Variants in GRIN3A observed in about 807,000 individuals in gnomAD.
GRIN3A encodes glutamate ionotropic receptor NMDA type subunit 3A.
Under a neutral mutation model 92.4 loss-of-function variants are expected in GRIN3A, and 47 were observed. The observed-to-expected ratio is 0.51, with a 90% confidence interval of 0.40 to 0.65. The LOEUF (loss-of-function observed/expected upper bound fraction) is 0.65. Among genes scored for constraint, GRIN3A ranks in the 30% least tolerant of loss-of-function variants. The pLI is 0.00. For missense variants in GRIN3A, 1,324 were observed against 1,393.1 expected, an observed-to-expected ratio of 0.95 and a Z score of 0.79; for synonymous variants, 527 against 540.6, an observed-to-expected ratio of 0.97 and a Z score of 0.35.
At chr9:101,614,743 C>G (rs979250110) in intron 5 of GRIN3A, among the ~76,000 whole-genome samples, 5 of 145,838 alleles carry the variant, frequency 3.4e-5, no homozygotes, top group Non-Finnish European at 6.1e-5. Context: ...GCTCAGCCCC[C>G]CAAGTAGCTG....
intron 2 of GRIN3A, among the ~76,000 whole-genome samples, chr9:101,679,128 CCAGT>C (rs1158686980): frequency 6.6e-6 from 1 of 152,148 alleles, no homozygotes; most frequent in Non-Finnish European, 1.5e-5. Context: ...GCAGTATTTA[CCAGT>C]CAAACATCTA....
chr9:101,696,895 T>C (rs1049832534), intron 1 of GRIN3A, among the ~76,000 whole-genome samples: 1 of 151,944 alleles, frequency 6.6e-6, no homozygotes, highest in South Asian at 2.1e-4. Flanking sequence ...ACATAAACTT[T>C]TTCTCTCAAT....
chr9:101,594,186 A>G (rs1828074548), intron 6 of GRIN3A: 1 of 496,676 alleles, frequency 2.0e-6, no homozygotes, highest in Admixed American at 3.8e-5. Context: ...TTTCCCCACT[A>G]TGCTCATTTG....
intron 6 of GRIN3A, among the ~76,000 whole-genome samples, chr9:101,590,269 C>T (rs745628109): frequency 2.2e-4 from 33 of 152,096 alleles, no homozygotes; most frequent in South Asian, 6.2e-4. Context: ...GGGGTAGGTA[C>T]GGTAGTTGAC....
chr9:101,629,696 T>C (rs1828687257), intron 3 of GRIN3A, among the ~76,000 whole-genome samples: 1 of 152,238 alleles, frequency 6.6e-6, no homozygotes, highest in Non-Finnish European at 1.5e-5. Context: ...TATTAAACAC[T>C]TATTATGCGC....
chr9:101,604,363 A>G (rs10119650), intron 6 of GRIN3A, among the ~76,000 whole-genome samples: 14,262 of 152,198 alleles, frequency 0.094, 804 homozygotes, highest in East Asian at 0.24. Flanking sequence ...CCCTTTCTTC[A>G]GGCCTAATTT....
intron 3 of GRIN3A, among the ~76,000 whole-genome samples, chr9:101,641,006 C>G (rs1330090992): frequency 2.0e-5 from 3 of 152,078 alleles, no homozygotes; most frequent in African/African-American, 7.2e-5. Flanking sequence ...TAAGTGAAAA[C>G]TGAAAGAGCA....
chr9:101,724,413 G>A (rs370219739), intron 1 of GRIN3A, among the ~76,000 whole-genome samples: 38 of 152,246 alleles, frequency 2.5e-4, no homozygotes, highest in African/African-American at 7.2e-4. Flanking sequence ...CTCCGAGTGC[G>A]GGGCCCGCCA....
chr9:101,725,312 G>A (rs763304144), intron 1 of GRIN3A, among the ~76,000 whole-genome samples: 5 of 152,124 alleles, frequency 3.3e-5, no homozygotes, highest in Non-Finnish European at 7.3e-5. Flanking sequence ...TGAGCAGAAT[G>A]GTCTGGTGGA....
chr9:101,619,692 G>A (rs191969735), intron 5 of GRIN3A, among the ~76,000 whole-genome samples: 4 of 152,208 alleles, frequency 2.6e-5, no homozygotes, highest in Non-Finnish European at 5.9e-5. Flanking sequence ...AATAATTATT[G>A]GAAAGCAAGT....
At position 101,703,267 on chromosome 9, in the gene GRIN3A, G is replaced by A. The variant is rs556824385; in HGVS notation, c.700-16067C>T. Among the ~76,000 whole-genome samples, 22 of 152,078 alleles carry A rather than the reference G, an allele frequency of 1.4e-4. No individual in the cohort carries two copies. In the South Asian group the frequency reaches 3.1e-3, roughly 22 times the overall value. ...TTCTCACCTCACTTATTCCACCCAC[G>A]TGGTCCCAAAGCCTTGAGGTTCAAG... is the stretch of plus-strand genomic sequence containing the variant. On this transcript the variant is annotated intron_variant, in intron 1 of 8. Transcript: ENST00000361820.
chr9:101,656,319 G>C (rs149050959), intron 3 of GRIN3A, among the ~76,000 whole-genome samples: 4 of 152,056 alleles, frequency 2.6e-5, no homozygotes, highest in South Asian at 4.1e-4. Flanking sequence ...TAAAATTGTA[G>C]CTGGCAAGCT....
At chr9:101,630,379 T>C (rs895254980) in intron 3 of GRIN3A, among the ~76,000 whole-genome samples, 1 of 152,206 alleles carries the variant, frequency 6.6e-6, no homozygotes, top group African/African-American at 2.4e-5. Flanking sequence ...CTTGTACATA[T>C]AAAATATGTA....
intron 3 of GRIN3A, among the ~76,000 whole-genome samples, chr9:101,629,732 T>A (rs1409326618): frequency 1.3e-5 from 2 of 152,244 alleles, no homozygotes; most frequent in Non-Finnish European, 2.9e-5. Context: ...GAGCTTTACA[T>A]ACATTATCGT....
intron 3 of GRIN3A, among the ~76,000 whole-genome samples, chr9:101,647,074 G>A (rs1357262010): frequency 5.3e-5 from 8 of 151,860 alleles, no homozygotes; most frequent in Admixed American, 5.3e-4. Context: ...TCTTGTTCCA[G>A]ATCTTACAGT....
In GRIN3A at chr9:101,628,377, G is replaced by A. The variant is rs144770241; in HGVS notation, c.2377C>T (p.Arg793Cys). ...PKLHHPSQGF[R>C]FGTVRESSAE... ...CTGCTTTCTCGGACAGTTCCAAAGCGGAATCCTTGGGAAGGATGATGTAAC... is the reference window on the plus strand; with the variant it reads ...CTGCTTTCTCGGACAGTTCCAAAGCAGAATCCTTGGGAAGGATGATGTAAC... Residue 793 changes from arginine to cysteine, a missense_variant, in exon 4 of 9, where the codon CGC becomes TGC. Coordinates refer to ENST00000361820, the MANE Select transcript of GRIN3A (RefSeq NM_133445.3). 9.9e-6 allele frequency: 16 copies of A among 1,613,548 alleles called. No individual in the cohort carries two copies. Among genetic ancestry groups the A allele is most frequent in the South Asian group, 3.3e-5 (3 of 91,044 alleles).
chr9:101,719,838 A>T (rs1371456547), intron 1 of GRIN3A, among the ~76,000 whole-genome samples: 39 of 152,350 alleles, frequency 2.6e-4, no homozygotes, highest in Non-Finnish European at 2.9e-5. Flanking sequence ...ATATATTTTT[A>T]TGAATATAAA....
intron 5 of GRIN3A, among the ~76,000 whole-genome samples, chr9:101,617,861 T>C (rs1828487104): frequency 7.0e-6 from 1 of 142,072 alleles, no homozygotes; most frequent in Non-Finnish European, 1.5e-5. Context: ...TGTGATCTCA[T>C]TGTTCAATTC....
At chr9:101,624,223 T>A (rs918014342) in intron 4 of GRIN3A, among the ~76,000 whole-genome samples, 3 of 149,792 alleles carry the variant, frequency 2.0e-5, no homozygotes, top group African/African-American at 7.6e-5. Context: ...TTTTTATTTT[T>A]TTATTTTATT....
Sources: allele counts gnomAD v4.1 joint callset (sites outside exome capture counted in the v4.1 genomes callset), GRCh38; gene constraint gnomAD v4.1.1; transcripts MANE v1.5; gene names NCBI Gene and HGNC (gene_info 2026-07-23, HGNC 2026-07-21).